Variants in SUGCT observed in about 807,000 individuals in gnomAD.
SUGCT encodes succinyl-CoA:glutarate CoA-transferase.
Under a neutral mutation model 55.0 loss-of-function variants are expected in SUGCT, and 41 were observed. The ratio of observed to expected loss-of-function variants is 0.74; its 90% CI spans 0.58 to 0.97. The LOEUF (loss-of-function observed/expected upper bound fraction) is 0.97, where lower values mean the gene tolerates loss of function less well. Among genes scored for constraint, SUGCT ranks in the 50% least tolerant of loss-of-function variants. SUGCT has a pLI of 0.00. For missense variants in SUGCT, 568 were observed against 547.8 expected, an observed-to-expected ratio of 1.04 and a Z score of -0.37; for synonymous variants, 187 against 200.4, an observed-to-expected ratio of 0.93 and a Z score of 0.56.
chr7:40,274,690 T>C (rs1792345070), intron 8 of SUGCT, 34 bp downstream of exon 8: 1 of 1,601,948 alleles, frequency 6.2e-7, no homozygotes, highest in Admixed American at 1.7e-5. Flanking sequence ...GATAATGTTA[T>C]AAAAACTGTG....
chr7:40,669,204 C>T (rs960336707), intron 12 of SUGCT, among the ~76,000 whole-genome samples: 1 of 151,920 alleles, frequency 6.6e-6, no homozygotes, highest in African/African-American at 2.4e-5. Flanking sequence ...TAACATAGGC[C>T]AAATGGGGAA....
intron 12 of SUGCT, among the ~76,000 whole-genome samples, chr7:40,710,163 G>A (rs1785636353): frequency 6.6e-6 from 1 of 152,132 alleles, no homozygotes; most frequent in Non-Finnish European, 1.5e-5. Context: ...AGTCTTCACT[G>A]TACTGACTGC....
chr7:40,263,749 G>C (rs747184405), intron 7 of SUGCT, among the ~76,000 whole-genome samples: 6 of 152,202 alleles, frequency 3.9e-5, no homozygotes, highest in Admixed American at 6.5e-5. Context: ...TCTGGAGAAT[G>C]ACACAAATCA....
chr7:40,153,264 A>G, intron 1 of SUGCT: 1 of 403,536 alleles, frequency 2.5e-6, no homozygotes, highest in South Asian at 2.0e-5. Flanking sequence ...GATGAAAGCA[A>G]AAAAGAAGAA....
chr7:40,363,466 C>G (rs1798256174), intron 9 of SUGCT, among the ~76,000 whole-genome samples: 1 of 152,208 alleles, frequency 6.6e-6, no homozygotes, highest in Middle Eastern at 3.4e-3. Context: ...ATAAATTTCC[C>G]TCTACACACT....
intron 9 of SUGCT, 54 bp from the exon 10 acceptor site, chr7:40,449,233 T>C (rs753124428): frequency 4.6e-5 from 56 of 1,217,036 alleles, no homozygotes; most frequent in Non-Finnish European, 6.5e-5. Context: ...AATTAAACTT[T>C]TGTGGTCTTG....
intron 12 of SUGCT, among the ~76,000 whole-genome samples, chr7:40,720,031 C>T (rs1023947461): frequency 9.9e-5 from 15 of 152,106 alleles, no homozygotes; most frequent in Non-Finnish European, 1.5e-5. Context: ...AGTGATCCAC[C>T]TGCCTCGGCC....
intron 12 of SUGCT, among the ~76,000 whole-genome samples, chr7:40,629,153 G>A (rs370432416): frequency 3.9e-5 from 6 of 152,136 alleles, no homozygotes; most frequent in Admixed American, 1.3e-4. Flanking sequence ...GTATTTCAGC[G>A]CAGTTCATGC....
chr7:40,303,944 A>C (rs1346735049), intron 8 of SUGCT, among the ~76,000 whole-genome samples: 2 of 151,984 alleles, frequency 1.3e-5, no homozygotes, highest in Non-Finnish European at 1.5e-5. Context: ...AAAAATAAAA[A>C]AATTAGCCAG....
intron 12 of SUGCT, among the ~76,000 whole-genome samples, chr7:40,553,652 A>G (rs1028039559): frequency 1.3e-5 from 2 of 152,204 alleles, no homozygotes; most frequent in Admixed American, 6.5e-5. Context: ...CTAAAAATGT[A>G]GACACTTTCC....
chr7:40,369,978 G>A (rs987613154), intron 9 of SUGCT, among the ~76,000 whole-genome samples: 2 of 152,132 alleles, frequency 1.3e-5, no homozygotes, highest in African/African-American at 2.4e-5. Flanking sequence ...TTTCCAGTTC[G>A]AGGACTCATG....
At chr7:41,023,945 T>C in the SUGCT span, among the ~76,000 whole-genome samples, 1 of 152,154 alleles carries the variant, frequency 6.6e-6, no homozygotes, top group Non-Finnish European at 1.5e-5. Flanking sequence ...TCCTAACAAA[T>C]ACAAAGGTGA....
At chr7:40,641,759 C>T (rs553665398) in intron 12 of SUGCT, among the ~76,000 whole-genome samples, 3 of 152,242 alleles carry the variant, frequency 2.0e-5, no homozygotes, top group South Asian at 2.1e-4. Flanking sequence ...TTCAGGTCTT[C>T]GCAGGAGAGT....
chr7:40,928,899 A>G, the SUGCT span, among the ~76,000 whole-genome samples: 1 of 152,044 alleles, frequency 6.6e-6, no homozygotes, highest in Non-Finnish European at 1.5e-5. Context: ...CTGCCCGGCA[A>G]AACTCTACTT....
chr7:40,445,249 A>G (rs1788755096), intron 9 of SUGCT, among the ~76,000 whole-genome samples: 1 of 152,224 alleles, frequency 6.6e-6, no homozygotes. Flanking sequence ...ATAGACCGCT[A>G]GCAAGACTAA....
At chr7:41,013,203 C>G in the SUGCT span, among the ~76,000 whole-genome samples, 1 of 152,298 alleles carries the variant, frequency 6.6e-6, no homozygotes, top group East Asian at 1.9e-4. Flanking sequence ...TACATGATTT[C>G]TGTTCCTTTG....
At chr7:40,161,796 A>T (rs1464854678) in intron 1 of SUGCT, among the ~76,000 whole-genome samples, 1 of 152,072 alleles carries the variant, frequency 6.6e-6, no homozygotes, top group African/African-American at 2.4e-5. Context: ...TTTTCCTTTG[A>T]CTTGTTGACT....
chr7:40,750,348 C>T (rs969780485), intron 13 of SUGCT, among the ~76,000 whole-genome samples: 2 of 152,122 alleles, frequency 1.3e-5, no homozygotes, highest in African/African-American at 4.8e-5. Flanking sequence ...AAACACAAAC[C>T]AAGCACTTAT....
chr7:40,549,367 A>G (rs1795180130), intron 12 of SUGCT, among the ~76,000 whole-genome samples: 1 of 152,246 alleles, frequency 6.6e-6, no homozygotes, highest in South Asian at 2.1e-4. Flanking sequence ...GGAATAAACA[A>G]TAAATCCTGG....
Sources: allele counts gnomAD v4.1 joint callset (sites outside exome capture counted in the v4.1 genomes callset), GRCh38; gene constraint gnomAD v4.1.1; transcripts MANE v1.5; gene names NCBI Gene and HGNC (gene_info 2026-07-23, HGNC 2026-07-21).